The following CD99L2 variants were observed in gnomAD, a reference collection of about 807,000 sequenced individuals.
CD99L2 encodes the protein CD99 molecule like 2, also known as CD99 antigen-like protein 2.
CD99L2 carries 24 observed loss-of-function variants against 27.3 expected under a neutral mutation model. The observed-to-expected ratio is 0.88, with a 90% CI of 0.64 to 1.24. CD99L2 has a LOEUF of 1.24. Ranked by LOEUF, CD99L2 falls within the 50% of genes most tolerant of loss-of-function variation. The probability of loss-of-function intolerance (pLI) is 0.00; values close to 1 mark genes in which losing one functional copy is unlikely to be tolerated. For synonymous variants in CD99L2, 97 were observed against 87.9 expected (o/e 1.10, Z -0.58); for missense variants, 255 against 221.6 (o/e 1.15, Z -0.96).
chrX:150,796,891 A>C (rs1342463791), intron 4 of CD99L2, among the ~76,000 whole-genome samples: 1 of 112,354 alleles, frequency 8.9e-6, no homozygotes, highest in Non-Finnish European at 1.9e-5. Flanking sequence ...ACATATTTCT[A>C]AATAAAACAA....
chrX:150,832,865 C>T (rs782040108), intron 1 of CD99L2, among the ~76,000 whole-genome samples: 14 of 110,779 alleles, frequency 1.3e-4, no homozygotes, highest in African/African-American at 2.3e-4. Flanking sequence ...CTGGCTAACA[C>T]GGTGAAAACC....
intron 2 of CD99L2, among the ~76,000 whole-genome samples, chrX:150,821,220 A>T (rs1462605261): frequency 2.7e-5 from 3 of 112,091 alleles, no homozygotes; most frequent in Non-Finnish European, 5.6e-5. Flanking sequence ...ATCGATCTTT[A>T]AAAAAAGAGC....
intron 1 of CD99L2, among the ~76,000 whole-genome samples, chrX:150,891,825 G>A (rs1442924758): frequency 8.9e-6 from 1 of 112,051 alleles, no homozygotes; most frequent in Admixed American, 9.5e-5. Flanking sequence ...CCTAGCCTCA[G>A]GGAGGGTCCA....
In CD99L2 at chrX:150,894,796, C is replaced by T. The variant is rs182775176; in HGVS notation, c.67+3726G>A. Among the ~76,000 whole-genome samples the T allele has an allele frequency of 2.7e-5, 3 of 110,512 alleles. No individual in the cohort carries two copies. In the East Asian group the frequency reaches 8.5e-4, roughly 31 times the overall value. On this transcript the variant is annotated intron_variant, in intron 1 of 10. Transcript: ENST00000370377. ...AGAGATGGGGCTCTTGTTATGTTAC[C>T]CAGGCTGGTCTCGAACTCCTGAGCT...
chrX:150,771,569 G>A (rs997467123), intron 9 of CD99L2, among the ~76,000 whole-genome samples: 4 of 111,217 alleles, frequency 3.6e-5, no homozygotes, highest in Non-Finnish European at 7.6e-5. Context: ...CCTCACCATG[G>A]CACCTCAACT....
intron 7 of CD99L2, among the ~76,000 whole-genome samples, chrX:150,787,926 A>ATATATATATATATATATATATAT (rs2045625602): frequency 2.2e-5 from 2 of 90,893 alleles, no homozygotes; most frequent in East Asian, 3.6e-4. Flanking sequence ...ATATATATAT[A>ATATATATATATATATATATATAT]AAAGGAGTCC....
intron 1 of CD99L2, among the ~76,000 whole-genome samples, chrX:150,831,620 G>A (rs2074521669): frequency 9.0e-6 from 1 of 111,315 alleles, no homozygotes; most frequent in African/African-American, 3.3e-5. Context: ...GGAGGAGGGA[G>A]AGGGTCAGGA....
chrX:150,795,164 T>C, intron 6 of CD99L2, 42 bp downstream of exon 6: 1 of 1,188,515 alleles, frequency 8.4e-7, no homozygotes, highest in Non-Finnish European at 1.1e-6. Flanking sequence ...CTCTGTGGGA[T>C]GATGTAATTA....
chrX:150,790,778 G>A (rs2045673490), intron 7 of CD99L2, among the ~76,000 whole-genome samples: 1 of 111,916 alleles, frequency 8.9e-6, no homozygotes, highest in African/African-American at 3.3e-5. Context: ...GGAGATATAA[G>A]TATGAAGTCA....
In CD99L2 at chrX:150,824,177, A is replaced by AAGG. The variant is rs1286633969; in HGVS notation, c.130+7051_130+7053dup. Among the ~76,000 whole-genome samples, 33 of 12,465 alleles carry AAGG rather than the reference A, an allele frequency of 2.6e-3. 4 individuals carry two copies. The highest frequency in any genetic ancestry group is 5.3e-3 in the African/African-American group (32 of 5,983). 10.8% of individuals were successfully genotyped at this position (12,465 alleles called of 115,157 possible). On this transcript the variant is annotated intron_variant, in intron 2 of 10. Coordinates refer to ENST00000370377, the MANE Select transcript of CD99L2 (RefSeq NM_031462.4). Reference sequence around the variant, plus strand: ...GGAGGAGGAGGAGGAGGAGGAGGAGAAGGAGGAGGAGGAAGAAGAAGAGGA... The same window carrying AAGG: ...GGAGGAGGAGGAGGAGGAGGAGGAGAAGGAGGAGGAGGAGGAAGAAGAAGAGGA...
chrX:150,846,365 G>C (rs1693162202), intron 1 of CD99L2, among the ~76,000 whole-genome samples: 1 of 111,184 alleles, frequency 9.0e-6, no homozygotes, highest in Admixed American at 9.5e-5. Flanking sequence ...ACCAGCTTTG[G>C]AGCCAAACAG....
chrX:150,888,526 A>AG (rs1557422688), intron 1 of CD99L2, among the ~76,000 whole-genome samples: 1 of 112,105 alleles, frequency 8.9e-6, no homozygotes, highest in African/African-American at 3.2e-5. Flanking sequence ...GGGTTAGGGG[A>AG]GGGGGAATGA....
intron 1 of CD99L2, among the ~76,000 whole-genome samples, chrX:150,890,324 C>CAA (rs1557422764): frequency 4.8e-5 from 5 of 104,173 alleles, no homozygotes; most frequent in Non-Finnish European, 9.8e-5. Flanking sequence ...ACTGAAAATA[C>CAA]AAAAATTAGC....
chrX:150,793,782 A>C (rs1557419797), intron 6 of CD99L2, 26 bp from the exon 7 acceptor site: 2 of 1,120,518 alleles, frequency 1.8e-6, no homozygotes, highest in African/African-American at 3.7e-5. Context: ...CATACATTTC[A>C]ACAACAAGAA....
intron 4 of CD99L2, among the ~76,000 whole-genome samples, chrX:150,810,553 A>C (rs1557420334): frequency 9.0e-6 from 1 of 111,472 alleles, no homozygotes; most frequent in African/African-American, 3.3e-5. Flanking sequence ...ATGGAAACCA[A>C]ACACAGAGCA....
At chrX:150,795,345 C>A in intron 5 of CD99L2, 56 bp from the exon 6 acceptor site, 8 of 1,205,413 alleles carry the variant, frequency 6.6e-6, no homozygotes, top group Non-Finnish European at 9.0e-6. Context: ...ATGGGTAGCT[C>A]ATTTGGATCC....
At chrX:150,877,134 A>AG (rs1557422347) in intron 1 of CD99L2, among the ~76,000 whole-genome samples, 8 of 109,787 alleles carry the variant, frequency 7.3e-5, no homozygotes, top group Non-Finnish European at 1.1e-4. Context: ...AAAAAAAAAA[A>AG]AAAGAAAGAA....
intron 2 of CD99L2, 54 bp downstream of exon 2, chrX:150,831,177 T>C: frequency 1.1e-6 from 1 of 924,556 alleles, no homozygotes; most frequent in Non-Finnish European, 1.5e-6. Flanking sequence ...GAGTGGATGA[T>C]ACACATTAAT....
chrX:150,793,175 A>G (rs970508502), intron 7 of CD99L2, among the ~76,000 whole-genome samples: 1 of 112,645 alleles, frequency 8.9e-6, no homozygotes, highest in Non-Finnish European at 1.9e-5. Flanking sequence ...CTATGGTTAT[A>G]TAAGGAGAAG....
Sources: allele counts gnomAD v4.1 joint callset (sites outside exome capture counted in the v4.1 genomes callset), GRCh38; gene constraint gnomAD v4.1.1; transcripts MANE v1.5; gene names NCBI Gene and HGNC (gene_info 2026-07-23, HGNC 2026-07-21).